Variants in ZHX2 observed in about 807,000 individuals in gnomAD.
ZHX2 encodes the protein zinc fingers and homeoboxes protein 2.
Under a neutral mutation model 21.9 loss-of-function variants are expected in ZHX2, and 6 were observed. The ratio of observed to expected loss-of-function variants is 0.27; its 90% confidence interval spans 0.15 to 0.54. ZHX2 has a LOEUF of 0.54. ZHX2 is among the 20% of genes least tolerant of loss of function. The probability of loss-of-function intolerance (pLI) is 0.95; values close to 1 mark genes in which losing one functional copy is unlikely to be tolerated. For synonymous variants in ZHX2, 434 were observed against 437.1 expected, an observed-to-expected ratio of 0.99 and a Z score of 0.09; for missense variants, 908 against 1,090.7, an observed-to-expected ratio of 0.83 and a Z score of 2.36.
At chr8:122,950,992 C>T (rs541941854) in intron 2 of ZHX2, among the ~76,000 whole-genome samples, 6 of 152,144 alleles carry the variant, frequency 3.9e-5, no homozygotes, top group South Asian at 4.1e-4. Flanking sequence ...GACTCCCTCT[C>T]ACCGCTTCAG....
intron 2 of ZHX2, among the ~76,000 whole-genome samples, chr8:122,866,347 G>A (rs1023934055): frequency 2.0e-5 from 3 of 152,128 alleles, no homozygotes; most frequent in Non-Finnish European, 2.9e-5. Flanking sequence ...AGGATTTGGA[G>A]CATATTTCAG....
chr8:122,953,684 A>T lies in ZHX2; in HGVS notation c.2174A>T (p.Asp725Val). The T allele has an allele frequency of 6.2e-7, 1 of 1,614,236 alleles. No individual in the cohort carries two copies. Among genetic ancestry groups the T allele is most frequent in the Non-Finnish European group, 8.5e-7 (1 of 1,180,034 alleles). The change falls in exon 3 of 4, where the codon GAT becomes GTT. Residue 725 changes from aspartate (D) to valine (V), a missense_variant. Coordinates refer to ENST00000314393, the MANE Select transcript of ZHX2 (RefSeq NM_014943.5). This position sits in a 1 kb window ranked among gnomAD's most constrained non-coding sequence, Gnocchi z 4.6. ...GCCGAGAGCCCAAAGAACGGGGGTGATGTGGTTCCACAATATTACAAGGAC... is the reference window on the plus strand; with the variant it reads ...GCCGAGAGCCCAAAGAACGGGGGTGTTGTGGTTCCACAATATTACAAGGAC... The part of the protein sequence containing the change: ...PMAESPKNGG[D>V]VVPQYYKDPK...
intron 1 of ZHX2, among the ~76,000 whole-genome samples, chr8:122,803,061 G>A (rs1048393104): frequency 4.6e-5 from 7 of 151,966 alleles, no homozygotes; most frequent in Admixed American, 2.0e-4. Flanking sequence ...TGTTGGTGGC[G>A]TGGTCTGAGT....
At chr8:122,869,156 G>A (rs1393210573) in intron 2 of ZHX2, among the ~76,000 whole-genome samples, 1 of 152,156 alleles carries the variant, frequency 6.6e-6, no homozygotes, top group African/African-American at 2.4e-5. Context: ...CACAGCCTGT[G>A]CTCTGCCCTT....
chr8:122,920,435 A>G (rs10086546), intron 2 of ZHX2, among the ~76,000 whole-genome samples: 1 of 152,118 alleles, frequency 6.6e-6, no homozygotes, highest in African/African-American at 2.4e-5. Flanking sequence ...TTAGTGTACA[A>G]TTCTATGAGT....
intron 2 of ZHX2, among the ~76,000 whole-genome samples, chr8:122,913,690 C>T (rs80083516): frequency 1.1e-3 from 175 of 152,306 alleles, no homozygotes; most frequent in African/African-American, 4.0e-3. Context: ...TTCAGGGGCT[C>T]ATTTAGAAGT....
chr8:122,864,269 G>A (rs922212904), intron 2 of ZHX2, among the ~76,000 whole-genome samples: 1 of 149,434 alleles, frequency 6.7e-6, no homozygotes, highest in African/African-American at 2.5e-5. Context: ...TTTTGAACTC[G>A]TGCCTGCAAA....
chr8:122,929,172 C>T (rs1482882863), intron 2 of ZHX2, among the ~76,000 whole-genome samples: 5 of 152,182 alleles, frequency 3.3e-5, no homozygotes, highest in South Asian at 4.1e-4. Context: ...TAACACCACC[C>T]GTGTAACACC....
chr8:122,953,925 A>T lies in ZHX2; in HGVS notation c.2415A>T (p.Ser805=). Reference sequence around the variant, plus strand: ...CGGTCGGGGAGGAGGATGCGATCTCAGATAGATCAGATAGCTGGAGTCAGG... The same window carrying T: ...CGGTCGGGGAGGAGGATGCGATCTCTGATAGATCAGATAGCTGGAGTCAGG... ...EVTVGEEDAI[S]DRSDSWSQAA... is the part of the protein sequence containing the mutation. The change falls in exon 3 of 4, where the codon TCA becomes TCT. Residue 805 remains serine, a synonymous_variant. Coordinates refer to ENST00000314393, the MANE Select transcript of ZHX2 (RefSeq NM_014943.5). The surrounding 1 kb of genome is among the most constrained non-coding windows in gnomAD (Gnocchi z 4.6). 6.2e-7 allele frequency: 1 copy of T among 1,614,144 alleles called. No individual in the cohort carries two copies.
At chr8:122,877,982 A>G (rs73711228) in intron 2 of ZHX2, among the ~76,000 whole-genome samples, 8,004 of 152,216 alleles carry the variant, frequency 0.053, 663 homozygotes, top group African/African-American at 0.18. Flanking sequence ...AGAGTGAGAC[A>G]TAAGGGGGAG....
At chr8:122,880,002 T>C (rs1819669834) in intron 2 of ZHX2, among the ~76,000 whole-genome samples, 1 of 139,652 alleles carries the variant, frequency 7.2e-6, no homozygotes, top group Non-Finnish European at 1.5e-5. Flanking sequence ...AGATGGAGCC[T>C]CGCTCTGTTG....
intron 2 of ZHX2, among the ~76,000 whole-genome samples, chr8:122,882,441 T>G (rs2129794981): frequency 6.6e-6 from 1 of 152,210 alleles, no homozygotes; most frequent in South Asian, 2.1e-4. Flanking sequence ...ATGAATTTTT[T>G]GCAAGTTTTT....
At chr8:122,791,587 G>A (rs559009361) in intron 1 of ZHX2, among the ~76,000 whole-genome samples, 45 of 152,198 alleles carry the variant, frequency 3.0e-4, no homozygotes, top group African/African-American at 9.9e-4. Flanking sequence ...TATAGGGGCC[G>A]GGTGCGGTGG....
chr8:122,933,060 G>A (rs745754802), intron 2 of ZHX2, among the ~76,000 whole-genome samples: 5 of 152,210 alleles, frequency 3.3e-5, no homozygotes, highest in African/African-American at 4.8e-5. Context: ...TCAAGGGAAA[G>A]CTGCAAAGGG....
At chr8:122,956,275 C>T (rs1297069700) in intron 3 of ZHX2, among the ~76,000 whole-genome samples, 1 of 152,208 alleles carries the variant, frequency 6.6e-6, no homozygotes, top group Non-Finnish European at 1.5e-5. Flanking sequence ...TACTGTATGC[C>T]TGCTGCTACT....
chr8:122,821,087 G>A (rs77812004), intron 1 of ZHX2, among the ~76,000 whole-genome samples: 5 of 152,202 alleles, frequency 3.3e-5, no homozygotes, highest in East Asian at 1.9e-4. Context: ...CCACACAGCC[G>A]TTCACATCTG....
At chr8:122,945,278 G>A (rs1041516850) in intron 2 of ZHX2, among the ~76,000 whole-genome samples, 4 of 152,022 alleles carry the variant, frequency 2.6e-5, no homozygotes, top group African/African-American at 4.8e-5. Flanking sequence ...CAGTAAGCAA[G>A]GGTCTAATTG....
intron 2 of ZHX2, among the ~76,000 whole-genome samples, chr8:122,901,995 T>C (rs1260572820): frequency 6.6e-6 from 1 of 152,102 alleles, no homozygotes; most frequent in Non-Finnish European, 1.5e-5. Flanking sequence ...TGCCTTTTTT[T>C]CAGAAGCCCC....
intron 2 of ZHX2, among the ~76,000 whole-genome samples, chr8:122,875,317 T>C (rs1819546774): frequency 6.6e-6 from 1 of 151,706 alleles, no homozygotes; most frequent in Non-Finnish European, 1.5e-5. Flanking sequence ...TTTAAAGGGT[T>C]GTAAAAAACA....
Sources: gnomAD v4.1 joint callset for allele counts (sites outside exome capture counted in the v4.1 genomes callset) on GRCh38, gnomAD v4.1.1 for gene constraint, Gnocchi (gnomAD v3.1) non-coding constraint, MANE v1.5 for transcripts, NCBI Gene and HGNC (gene_info 2026-07-23, HGNC 2026-07-21) for gene names.